The following CSMD1 variants were observed in gnomAD, a reference collection of about 807,000 sequenced individuals.
CSMD1 encodes CUB and Sushi multiple domains 1.
In CSMD1, 213 loss-of-function variants were observed where a neutral mutation model predicts 417.5. The observed-to-expected ratio is 0.51, with a 90% CI of 0.46 to 0.57. The LOEUF (loss-of-function observed/expected upper bound fraction) is 0.57. Among genes scored for constraint, CSMD1 ranks in the 20% least tolerant of loss-of-function variants. The pLI is 0.00. For missense variants in CSMD1, 6,923 were observed against 4,529.7 expected, an observed-to-expected ratio of 1.53 and a Z score of -15.17; for synonymous variants, 2,862 against 1,736.8, an observed-to-expected ratio of 1.65 and a Z score of -16.11.
intron 2 of CSMD1, among the ~76,000 whole-genome samples, chr8:4,604,905 C>T (rs1269930696): frequency 6.6e-6 from 1 of 152,152 alleles, no homozygotes; most frequent in Non-Finnish European, 1.5e-5. Context: ...GTTCGGGGTT[C>T]AGAATCATGC....
At chr8:4,316,039 T>A (rs74471950) in intron 3 of CSMD1, among the ~76,000 whole-genome samples, 3,230 of 152,226 alleles carry the variant, frequency 0.021, 114 homozygotes, top group African/African-American at 0.072. Context: ...TTTGAAAATA[T>A]CCCACTGAGA....
intron 8 of CSMD1, among the ~76,000 whole-genome samples, chr8:3,594,102 T>C (rs1319080050): frequency 6.6e-6 from 1 of 152,190 alleles, no homozygotes; most frequent in East Asian, 1.9e-4. Context: ...CTTCAGCATC[T>C]TGAAAACATT....
chr8:4,058,636 G>A (rs1309875281), intron 3 of CSMD1, among the ~76,000 whole-genome samples: 2 of 149,868 alleles, frequency 1.3e-5, no homozygotes, highest in Non-Finnish European at 3.0e-5. Context: ...GGCAGGGGTT[G>A]CAATCCTAGT....
intron 1 of CSMD1, among the ~76,000 whole-genome samples, chr8:4,692,929 C>T (rs1050394082): frequency 6.6e-6 from 1 of 152,178 alleles, no homozygotes; most frequent in African/African-American, 2.4e-5. Context: ...CCAGTTTTGC[C>T]TCATTGACAG....
At chr8:3,613,710 C>G (rs56958068) in intron 8 of CSMD1, among the ~76,000 whole-genome samples, 4,677 of 107,354 alleles carry the variant, frequency 0.044, 229 homozygotes, top group African/African-American at 0.16. Flanking sequence ...AAAACACACA[C>G]ACACACACAC....
intron 2 of CSMD1, among the ~76,000 whole-genome samples, chr8:4,493,340 C>G (rs866599250): frequency 1.3e-5 from 2 of 152,068 alleles, no homozygotes; most frequent in Admixed American, 6.6e-5. Context: ...TCACTCTTAA[C>G]TAGGCACCTA....
At chr8:3,042,174 C>T (rs1811144651) in intron 50 of CSMD1, among the ~76,000 whole-genome samples, 1 of 152,144 alleles carries the variant, frequency 6.6e-6, no homozygotes, top group Non-Finnish European at 1.5e-5. Flanking sequence ...AGCTGAGATA[C>T]CAAACTGACT....
chr8:4,606,288 G>C (rs929508613), intron 2 of CSMD1, among the ~76,000 whole-genome samples: 1 of 152,026 alleles, frequency 6.6e-6, no homozygotes, highest in Non-Finnish European at 1.5e-5. Flanking sequence ...AAGGGACTGT[G>C]ACTTAGAGTC....
chr8:4,538,582 G>T (rs967532487), intron 2 of CSMD1, among the ~76,000 whole-genome samples: 1 of 151,984 alleles, frequency 6.6e-6, no homozygotes, highest in African/African-American at 2.4e-5. Flanking sequence ...GTTGGACGTT[G>T]CAGTGAGCCG....
intron 26 of CSMD1, among the ~76,000 whole-genome samples, chr8:3,268,611 T>C (rs527870284): frequency 6.6e-6 from 1 of 152,250 alleles, no homozygotes; most frequent in African/African-American, 2.4e-5. Context: ...AATGTTTGTC[T>C]TGGTGACTGG....
chr8:4,368,660 T>C lies in CSMD1; in HGVS notation c.415+51293A>G, dbSNP rs182856290. Among the ~76,000 whole-genome samples, 132 of 152,254 alleles carry C rather than the reference T, an allele frequency of 8.7e-4. 1 individual carries two copies. Among genetic ancestry groups the C allele is most frequent in the African/African-American group, 3.0e-3 (125 of 41,560 alleles). The stretch of plus-strand genomic sequence containing the variant: ...TTCAATTTTGGAACTTATTGGTCTG[T>C]TCAGGATTTTAATTTCTTCCTGGCT... On this transcript the variant is annotated intron_variant, in intron 3 of 69. Transcript: ENST00000635120.
chr8:3,749,873 C>T (rs182756603), intron 6 of CSMD1, among the ~76,000 whole-genome samples: 2 of 151,672 alleles, frequency 1.3e-5, no homozygotes, highest in African/African-American at 4.8e-5. Context: ...CAATGGTGCT[C>T]GCATCTCCTG....
intron 5 of CSMD1, among the ~76,000 whole-genome samples, chr8:3,950,927 T>C (rs184708097): frequency 4.4e-4 from 67 of 152,302 alleles, no homozygotes; most frequent in Non-Finnish European, 1.0e-4. Flanking sequence ...ATATTCATAA[T>C]AAGCCCTGAA....
chr8:3,698,725 T>C (rs1017311423), intron 7 of CSMD1, among the ~76,000 whole-genome samples: 1 of 152,198 alleles, frequency 6.6e-6, no homozygotes, highest in African/African-American at 2.4e-5. Flanking sequence ...TTCTCACAGA[T>C]GAGTAAAGAG....
rs979289668 is a variant in CSMD1, at chr8:4,896,869, C to T, written c.85+97463G>A. On this transcript the variant is annotated intron_variant, in intron 1 of 69. Coordinates refer to ENST00000635120, the MANE Select transcript of CSMD1 (RefSeq NM_033225.6). ...AGGGTTGCAGCAGCTGCCGGGAACA[C>T]TGTCCAAGGCAGGAAAAAGTAACAG... Among the ~76,000 whole-genome samples the T allele has an allele frequency of 2.6e-5, 4 of 152,072 alleles. No homozygotes were observed. In the South Asian group the frequency reaches 6.2e-4, roughly 24 times the overall value.
At chr8:3,308,568 T>TGAAAC (rs1805074728) in intron 23 of CSMD1, 65 bp from the exon 24 acceptor site, 3 of 1,328,046 alleles carry the variant, frequency 2.3e-6, no homozygotes, top group Non-Finnish European at 3.2e-6. Flanking sequence ...AAAACAGAGA[T>TGAAAC]GAAACAAACA....
At position 3,347,913 on chromosome 8, in the gene CSMD1, A is replaced by C; in HGVS notation, c.3474+79T>G. 10 of 908,728 alleles carry C rather than the reference A, an allele frequency of 1.1e-5. No homozygotes were observed. In the South Asian group the frequency reaches 1.8e-4, roughly 17 times the overall value. 56.3% of individuals were successfully genotyped at this position (908,728 alleles called of 1,614,324 possible). The stretch of plus-strand genomic sequence containing the variant: ...TATATGTTAATATGTGCATATATCT[A>C]TATGTAGAAAAATAGATAGACAATG... On this transcript the variant is annotated intron_variant, in intron 22 of 69. Transcript: ENST00000635120.
chr8:3,301,288 T>C (rs180910921), intron 25 of CSMD1, among the ~76,000 whole-genome samples: 1,831 of 152,182 alleles, frequency 0.012, 19 homozygotes, highest in Admixed American at 0.02. Context: ...TAGGAGGGTC[T>C]ACCCAGCGAA....
At chr8:4,149,028 A>G (rs1796431803) in intron 3 of CSMD1, among the ~76,000 whole-genome samples, 1 of 151,554 alleles carries the variant, frequency 6.6e-6, no homozygotes, top group Non-Finnish European at 1.5e-5. Flanking sequence ...CAGTGGCACA[A>G]TCTTTGCTCA....
Sources: gnomAD v4.1 joint callset for allele counts (sites outside exome capture counted in the v4.1 genomes callset) on GRCh38, gnomAD v4.1.1 for gene constraint, MANE v1.5 for transcripts, NCBI Gene and HGNC (gene_info 2026-07-23, HGNC 2026-07-21) for gene names.